ANKRD27: variants seen among roughly 807,000 people sequenced by gnomAD.
The protein encoded by ANKRD27 is ankyrin repeat domain-containing protein 27.
Under a neutral mutation model 129.7 loss-of-function variants are expected in ANKRD27, and 112 were observed. That is an observed-to-expected ratio of 0.86 (90% CI 0.74 to 1.01). The LOEUF is 1.01. ANKRD27 is among the 50% of genes least tolerant of loss of function. The pLI, the probability that ANKRD27 is intolerant of heterozygous loss-of-function variation, is 0.00. For synonymous variants in ANKRD27, 516 were observed against 511.2 expected, an observed-to-expected ratio of 1.01 and a Z score of -0.13; for missense variants, 1,258 against 1,300.5, an observed-to-expected ratio of 0.97 and a Z score of 0.50.
intron 16 of ANKRD27, 71 bp downstream of exon 16, chr19:32,626,641 G>A (rs1009623855): frequency 1.7e-5 from 21 of 1,203,410 alleles, no homozygotes; most frequent in East Asian, 1.0e-4. Context: ...CAGCATGACC[G>A]TACAGTCACC....
chr19:32,598,212 A>G lies in ANKRD27; in HGVS notation c.3086T>C (p.Val1029Ala). Residue 1029 changes from valine (V) to alanine (A), a missense_variant, in exon 29 of 29, where the codon GTG becomes GCG. Coordinates refer to ENST00000306065, the MANE Select transcript of ANKRD27 (RefSeq NM_032139.3). The stretch of plus-strand genomic sequence containing the variant: ...GCCAGCAGCCTCCGGGCCCTGGGAC[A>G]CGACCGCATCCTCTACCGTGTGTCT... ...LRRHTVEDAV[V>A]SQGPEAAGPL... 1 of 1,614,148 alleles carries G rather than the reference A, an allele frequency of 6.2e-7. No individual in the cohort carries two copies. Among genetic ancestry groups the G allele is most frequent in the Non-Finnish European group, 8.5e-7 (1 of 1,180,026 alleles).
chr19:32,638,875 G>A (rs1967140204), intron 12 of ANKRD27: 1 of 192,938 alleles, frequency 5.2e-6, no homozygotes, highest in Non-Finnish European at 1.0e-5. Context: ...CCCTTGGCAG[G>A]CATGGGATCC....
rs1204402831 is a variant in ANKRD27 at position 32,607,696 on chromosome 19, C to T, written c.2312G>A (p.Gly771Asp). 1 of 1,612,770 alleles carries T rather than the reference C, an allele frequency of 6.2e-7. No individual in the cohort carries two copies. The highest frequency in any genetic ancestry group is 1.3e-5 in the African/African-American group (1 of 74,928). The change falls in exon 23 of 29, where the codon GGT (glycine) becomes GAT (aspartate). Residue 771 changes from glycine to aspartate, a missense_variant. Coordinates refer to ENST00000306065, the MANE Select transcript of ANKRD27 (RefSeq NM_032139.3). The stretch of plus-strand genomic sequence containing the variant: ...GACGGCTTGGTCTGCGTTCCTGGCA[C>T]CTGCGTTGGCCCCGTGCTTCAGCAG... The part of the protein sequence containing the change: ...PLLLKHGANA[G>D]ARNADQAVPL...
rs1471353668 is a variant in ANKRD27 at position 32,622,765 on chromosome 19, CTCAT to C, written c.1630-150_1630-147del. The stretch of plus-strand genomic sequence containing the variant: ...CAGTATCTGATCAGGACACCTCATT[CTCAT>C]TCATTTTTTTTTTCTTTTTCTTTTT... On this transcript the variant is annotated intron_variant, in intron 17 of 28. Coordinates refer to ENST00000306065, the MANE Select transcript of ANKRD27 (RefSeq NM_032139.3). 5.9e-6 allele frequency: 4 copies of C among 675,912 alleles called. No individual in the cohort carries two copies. The East Asian group carries it at 8.0e-5, about 14-fold the overall frequency. 41.9% of individuals were successfully genotyped at this position (675,912 alleles called of 1,614,324 possible). A position where few individuals can be genotyped will look rare whatever the true frequency, so the allele number is the denominator to read the frequency against.
intron 1 of ANKRD27, among the ~76,000 whole-genome samples, chr19:32,660,912 G>A (rs761952299): frequency 6.6e-6 from 1 of 152,062 alleles, no homozygotes; most frequent in Non-Finnish European, 1.5e-5. Context: ...ACTAAAGTAA[G>A]TTTTAAATAT....
intron 2 of ANKRD27, chr19:32,654,976 T>C (rs766773984): frequency 6.6e-6 from 1 of 152,212 alleles, no homozygotes; most frequent in Non-Finnish European, 1.5e-5. Context: ...GATATGGGGT[T>C]TCACCATGTT....
intron 13 of ANKRD27, among the ~76,000 whole-genome samples, chr19:32,629,148 T>G (rs1280794122): frequency 6.6e-6 from 1 of 152,070 alleles, no homozygotes; most frequent in Non-Finnish European, 1.5e-5. Context: ...CTCAAACTCC[T>G]GACCACAAGT....
intron 10 of ANKRD27, among the ~76,000 whole-genome samples, chr19:32,641,603 G>A (rs1288603481): frequency 2.0e-5 from 3 of 151,940 alleles, no homozygotes; most frequent in Admixed American, 6.6e-5. Context: ...CCATCATATC[G>A]TGGCTAAACA....
intron 12 of ANKRD27, among the ~76,000 whole-genome samples, chr19:32,634,961 C>A (rs74257320): frequency 1.3e-5 from 2 of 152,028 alleles, no homozygotes; most frequent in Admixed American, 1.3e-4. Flanking sequence ...AACACCAGCA[C>A]GAGAGAAGGA....
At chr19:32,636,887 A>G (rs949172625) in intron 12 of ANKRD27, among the ~76,000 whole-genome samples, 2 of 152,064 alleles carry the variant, frequency 1.3e-5, no homozygotes, top group Admixed American at 1.3e-4. Context: ...AGCTGGGATT[A>G]CAGGCACCTG....
At chr19:32,615,116 T>A (rs1222102564) in intron 22 of ANKRD27, among the ~76,000 whole-genome samples, 1 of 152,130 alleles carries the variant, frequency 6.6e-6, no homozygotes, top group Non-Finnish European at 1.5e-5. Context: ...GGGGCCCAGA[T>A]AGCAGCCAAA....
At chr19:32,618,505 G>C (rs2145273128) in intron 20 of ANKRD27, among the ~76,000 whole-genome samples, 1 of 150,384 alleles carries the variant, frequency 6.6e-6, no homozygotes, top group South Asian at 2.1e-4. Context: ...GTATCTGCTA[G>C]CTGGGACACC....
intron 1 of ANKRD27, among the ~76,000 whole-genome samples, chr19:32,671,150 T>C (rs1460243001): frequency 6.6e-6 from 1 of 151,458 alleles, no homozygotes; most frequent in African/African-American, 2.4e-5. Context: ...CAAAAAATTA[T>C]CTATGGGTAT....
In ANKRD27 at chr19:32,597,807, G is replaced by C. The variant is rs907357918; in HGVS notation, c.*338C>G. The C allele has an allele frequency of 2.9e-6, 1 of 346,194 alleles. No individual in the cohort carries two copies. Among genetic ancestry groups the C allele is most frequent in the East Asian group, 6.2e-5 (1 of 16,080 alleles). 21.4% of individuals were successfully genotyped at this position (346,194 alleles called of 1,614,324 possible). Reference sequence around the variant, plus strand: ...AGAGAGGTTTAGCACCTTTTGGGAGGAGGAGGTCAGAATGCGGTGGTGAAA... The same window carrying C: ...AGAGAGGTTTAGCACCTTTTGGGAGCAGGAGGTCAGAATGCGGTGGTGAAA... On this transcript the variant is annotated 3_prime_UTR_variant, in exon 29 of 29. Coordinates refer to ENST00000306065, the MANE Select transcript of ANKRD27 (RefSeq NM_032139.3).
At chr19:32,659,152 T>C (rs900892006) in intron 1 of ANKRD27, 107 bp from the exon 2 acceptor site, 1 of 614,668 alleles carries the variant, frequency 1.6e-6, no homozygotes, top group Non-Finnish European at 2.8e-6. Context: ...TTTTTTTTTT[T>C]TTTTGAGACA....
chr19:32,603,378 A>G (rs746735611), intron 25 of ANKRD27, among the ~76,000 whole-genome samples: 14 of 152,156 alleles, frequency 9.2e-5, no homozygotes, highest in Admixed American at 2.6e-4. Context: ...CTCGCTGTCT[A>G]TCTTGGGTAG....
chr19:32,642,304 G>A (rs1277286605), intron 9 of ANKRD27, among the ~76,000 whole-genome samples, 159 bp from the exon 10 acceptor site: 1 of 152,040 alleles, frequency 6.6e-6, no homozygotes, highest in Non-Finnish European at 1.5e-5. Flanking sequence ...CAAGTCAGCG[G>A]CAAAACAGAA....
At position 32,643,441 on chromosome 19, in the gene ANKRD27, T is replaced by C; in HGVS notation, c.629A>G (p.Gln210Arg). Residue 210 changes from glutamine to arginine, a missense_variant, in exon 7 of 29, where the codon CAG (glutamine) becomes CGG (arginine). Gln to Arg is a conservative substitution (Grantham distance 43). Coordinates refer to ENST00000306065, the MANE Select transcript of ANKRD27 (RefSeq NM_032139.3). ...KQEAQMNLMK[Q>R]AVEIYVHHEI... is the part of the protein sequence containing the mutation. ...CCGCCCCACCCTCACCTCCACTGCC[T>C]GCTTCATCAGGTTCATCTGGGCCTC... 1 of 1,613,882 alleles carries C rather than the reference T, an allele frequency of 6.2e-7. No homozygotes were observed. The highest frequency in any genetic ancestry group is 1.1e-5 in the South Asian group (1 of 91,074).
intron 2 of ANKRD27, among the ~76,000 whole-genome samples, chr19:32,651,713 C>T (rs1408775389): frequency 1.3e-5 from 2 of 152,140 alleles, no homozygotes; most frequent in Non-Finnish European, 2.9e-5. Context: ...CTCTGCCCCA[C>T]TGTGCCCACA....
Sources: allele counts gnomAD v4.1 joint callset (sites outside exome capture counted in the v4.1 genomes callset), GRCh38; gene constraint gnomAD v4.1.1; transcripts MANE v1.5; gene names NCBI Gene and HGNC (gene_info 2026-07-23, HGNC 2026-07-21).